C12orf75: variants seen among roughly 807,000 people sequenced by gnomAD.
C12orf75 encodes the protein chromosome 12 open reading frame 75.
C12orf75 carries 4 observed loss-of-function variants against 11.4 expected under a neutral mutation model. The ratio of observed to expected loss-of-function variants is 0.35; its 90% CI spans 0.17 to 0.80. The LOEUF (loss-of-function observed/expected upper bound fraction) is 0.80. Ranked by LOEUF, C12orf75 falls within the 30% of genes least tolerant of loss-of-function variation. The pLI is 0.52. For missense variants in C12orf75, 89 were observed against 80.4 expected (o/e 1.11, Z -0.41); for synonymous variants, 30 against 30.0 (o/e 1.00, Z 0.00).
intron 2 of C12orf75, among the ~76,000 whole-genome samples, chr12:105,351,779 A>T (rs934616212): frequency 2.0e-5 from 3 of 152,136 alleles, no homozygotes; most frequent in African/African-American, 7.2e-5. Context: ...GTCTGGGCAG[A>T]AGTGAAAGAT....
chr12:105,331,881 C>T (rs1054871142), intron 1 of C12orf75, among the ~76,000 whole-genome samples: 3 of 152,210 alleles, frequency 2.0e-5, no homozygotes, highest in East Asian at 1.9e-4. Flanking sequence ...CTAGCCTAAC[C>T]AGCAAATGCA....
chr12:105,360,691 AC>A (rs1481991438), intron 2 of C12orf75, among the ~76,000 whole-genome samples: 2 of 152,070 alleles, frequency 1.3e-5, no homozygotes, highest in Admixed American at 1.3e-4. Context: ...TTGCTCTTTC[AC>A]CCAGGCTGGA....
At chr12:105,334,629 A>G (rs2136139333) in intron 1 of C12orf75, among the ~76,000 whole-genome samples, 1 of 152,356 alleles carries the variant, frequency 6.6e-6, no homozygotes, top group Non-Finnish European at 1.5e-5. Context: ...TTATGGAGAA[A>G]CATCGGGATT....
At chr12:105,335,659 A>G (rs988884455) in intron 1 of C12orf75, among the ~76,000 whole-genome samples, 3 of 146,102 alleles carry the variant, frequency 2.1e-5, no homozygotes, top group Middle Eastern at 3.8e-3. Flanking sequence ...TAGTTTCCAC[A>G]TTTTTAATGG....
intron 1 of C12orf75, among the ~76,000 whole-genome samples, chr12:105,345,930 C>G (rs111441772): frequency 3.3e-5 from 5 of 152,012 alleles, no homozygotes; most frequent in African/African-American, 1.2e-4. Context: ...ACCCAAAGTG[C>G]TGGAATTACA....
intron 1 of C12orf75, 108 bp from the exon 2 acceptor site, chr12:105,348,494 A>T: frequency 1.6e-6 from 1 of 634,050 alleles, no homozygotes. Flanking sequence ...AATTTTTTTA[A>T]ACCCATTTTC....
At chr12:105,343,260 T>G (rs1209914909) in intron 1 of C12orf75, among the ~76,000 whole-genome samples, 4 of 152,216 alleles carry the variant, frequency 2.6e-5, no homozygotes, top group Non-Finnish European at 4.4e-5. Flanking sequence ...TTGTTACCTT[T>G]TTTTCATTTC....
intron 1 of C12orf75, among the ~76,000 whole-genome samples, chr12:105,346,785 CA>C (rs1438488451): frequency 6.6e-6 from 1 of 152,196 alleles, no homozygotes; most frequent in Non-Finnish European, 1.5e-5. Flanking sequence ...TGCAATTTGG[CA>C]ATAACTTTAC....
intron 1 of C12orf75, among the ~76,000 whole-genome samples, chr12:105,344,644 G>A (rs1386902250): frequency 6.6e-6 from 1 of 151,978 alleles, no homozygotes; most frequent in Non-Finnish European, 1.5e-5. Context: ...TACTCAGGAG[G>A]CTGAGGCAGG....
chr12:105,337,798 TA>T (rs1332197626), intron 1 of C12orf75, among the ~76,000 whole-genome samples: 1 of 152,204 alleles, frequency 6.6e-6, no homozygotes, highest in Non-Finnish European at 1.5e-5. Context: ...GCCTATTTTT[TA>T]GTAAAGTTTA....
At chr12:105,335,281 G>A (rs970641816) in intron 1 of C12orf75, among the ~76,000 whole-genome samples, 3 of 152,086 alleles carry the variant, frequency 2.0e-5, no homozygotes, top group Non-Finnish European at 4.4e-5. Context: ...CTAGATAATT[G>A]CATTCTTTTG....
In C12orf75 at chr12:105,370,930, C is replaced by G. The variant is rs550573707; in HGVS notation, c.*330C>G. ...TGACAACATTTCCACCCTGGCCACT[C>G]AGCACATTTCATGGAGGTCATGTCT... On this transcript the variant is annotated 3_prime_UTR_variant, in exon 6 of 6. Transcript: ENST00000443585. 7.5e-4 allele frequency: 214 copies of G among 285,876 alleles called. No individual in the cohort carries two copies. The highest frequency in any genetic ancestry group is 4.5e-3 in the African/African-American group (208 of 46,178). The allele number at this position is 285,876 out of a possible 1,614,324, so 17.7% of individuals were successfully genotyped here.
intron 1 of C12orf75, among the ~76,000 whole-genome samples, chr12:105,336,569 A>T (rs1378364159): frequency 6.6e-6 from 1 of 152,240 alleles, no homozygotes; most frequent in Non-Finnish European, 1.5e-5. Context: ...GTGTACGTAT[A>T]GAAGTGGCAT....
At chr12:105,335,224 T>G (rs1892486283) in intron 1 of C12orf75, among the ~76,000 whole-genome samples, 1 of 152,210 alleles carries the variant, frequency 6.6e-6, no homozygotes, top group African/African-American at 2.4e-5. Flanking sequence ...AATACAATCC[T>G]TTTGGGCCCA....
chr12:105,356,936 A>G (rs1206617511), intron 2 of C12orf75, among the ~76,000 whole-genome samples: 1 of 152,244 alleles, frequency 6.6e-6, no homozygotes, highest in Admixed American at 6.5e-5. Flanking sequence ...TGTTCCATGC[A>G]GATATTTGGT....
At position 105,337,750 on chromosome 12, in the gene C12orf75, T is replaced by A. The variant is rs371160836; in HGVS notation, c.46+6813T>A. On this transcript the variant is annotated intron_variant, in intron 1 of 5. Coordinates refer to ENST00000443585, the MANE Select transcript of C12orf75 (RefSeq NM_001145199.2). ...TGACTCTAGTGCAGTAAGCAACTTA[T>A]AGGAAAGCATGCTAAACAATAGCGG... Among the ~76,000 whole-genome samples, 25 of 152,338 alleles carry A rather than the reference T, an allele frequency of 1.6e-4. No individual in the cohort carries two copies. The East Asian group carries it at 4.4e-3, about 27-fold the overall frequency.
intron 2 of C12orf75, among the ~76,000 whole-genome samples, chr12:105,361,129 C>T (rs1227273197): frequency 4.6e-5 from 7 of 152,056 alleles, no homozygotes; most frequent in African/African-American, 1.7e-4. Context: ...GAGGGAGGCT[C>T]GTGTGATCCT....
chr12:105,361,826 C>T (rs529985185), intron 2 of C12orf75, among the ~76,000 whole-genome samples: 8 of 152,162 alleles, frequency 5.3e-5, no homozygotes, highest in African/African-American at 1.9e-4. Flanking sequence ...CCTATCCTTC[C>T]GCAGGAAGAG....
chr12:105,367,679 CA>C (rs1361303153), intron 5 of C12orf75, among the ~76,000 whole-genome samples, 170 bp downstream of exon 5: 3 of 152,108 alleles, frequency 2.0e-5, no homozygotes, highest in Non-Finnish European at 4.4e-5. Context: ...GGTGAATAAT[CA>C]GATCAATTTT....
Sources: gnomAD v4.1 joint callset for allele counts (sites outside exome capture counted in the v4.1 genomes callset) on GRCh38, gnomAD v4.1.1 for gene constraint, MANE v1.5 for transcripts, NCBI Gene and HGNC (gene_info 2026-07-23, HGNC 2026-07-21) for gene names.